MINDY2: variants seen among roughly 807,000 people sequenced by gnomAD.
MINDY2 encodes ubiquitin carboxyl-terminal hydrolase MINDY-2.
A neutral mutation model predicts 68.2 loss-of-function variants in MINDY2; 52 were observed. The ratio of observed to expected loss-of-function variants is 0.76; its 90% CI spans 0.61 to 0.96. The LOEUF is 0.96. Among genes scored for constraint, MINDY2 ranks in the 40% least tolerant of loss-of-function variants. The pLI is 0.00. For synonymous variants in MINDY2, 372 were observed against 303.0 expected, an observed-to-expected ratio of 1.23 and a Z score of -2.36; for missense variants, 881 against 773.4, an observed-to-expected ratio of 1.14 and a Z score of -1.65.
In MINDY2 at chr15:58,856,669, C is replaced by A; in HGVS notation, c.*2059C>A. On this transcript the variant is annotated 3_prime_UTR_variant, in exon 9 of 9. Transcript: ENST00000559228. ...TGGCTCAAACAGGTTGACCTCAATC[C>A]AAGTTTACTCTTGATATCACTCTGT... The A allele has an allele frequency of 6.6e-6, 1 of 152,152 alleles. No homozygotes were observed. Among genetic ancestry groups the A allele is most frequent in the Non-Finnish European group, 1.5e-5 (1 of 68,032 alleles). The allele number at this position is 152,152 out of a possible 1,614,324, so 9.4% of individuals were successfully genotyped here.
chr15:58,802,457 T>C, intron 3 of MINDY2, 80 bp downstream of exon 3: 1 of 903,278 alleles, frequency 1.1e-6, no homozygotes, highest in Non-Finnish European at 1.7e-6. Flanking sequence ...CTGGCAGCAT[T>C]TTTCTATAAA....
intron 6 of MINDY2, among the ~76,000 whole-genome samples, chr15:58,838,412 A>G (rs2032108166): frequency 6.6e-6 from 1 of 152,000 alleles, no homozygotes; most frequent in South Asian, 2.1e-4. Flanking sequence ...AAAACAAAAA[A>G]GATATACTTT....
At chr15:58,798,296 T>TC (rs1471136090) in intron 2 of MINDY2, among the ~76,000 whole-genome samples, 1 of 151,290 alleles carries the variant, frequency 6.6e-6, no homozygotes, top group East Asian at 1.9e-4. Context: ...TTTGTATTTT[T>TC]TTTTTTTTTT....
Position 58,861,539 on chromosome 15 carries a change from C to G in MINDY2, c.*6929C>G, listed in dbSNP as rs773044211. The G allele has an allele frequency of 1.3e-5, 2 of 152,160 alleles. No homozygotes were observed. Among genetic ancestry groups the G allele is most frequent in the African/African-American group, 4.8e-5 (2 of 41,444 alleles). 9.4% of individuals were successfully genotyped at this position (152,160 alleles called of 1,614,324 possible). A position where few individuals can be genotyped will look rare whatever the true frequency, so the allele number is the denominator to read the frequency against. On this transcript the variant is annotated 3_prime_UTR_variant, in exon 9 of 9. Transcript: ENST00000559228. Reference sequence around the variant, plus strand: ...TTTGCATAAAGATACCTAAAACCATCTACCCAGCTTAGGGTTGAACTGAAT... The same window carrying G: ...TTTGCATAAAGATACCTAAAACCATGTACCCAGCTTAGGGTTGAACTGAAT...
Position 58,831,839 on chromosome 15 carries a change from C to G in MINDY2, c.1291C>G (p.Leu431Val). 2 of 1,613,684 alleles carry G rather than the reference C, an allele frequency of 1.2e-6. No homozygotes were observed. Among genetic ancestry groups the G allele is most frequent in the Non-Finnish European group, 1.7e-6 (2 of 1,179,798 alleles). ...ACTGACATACCATGGATTATGTGAA[C>G]TAACTTCAACGGTTCAGGAAGGAGA... ...TQLTYHGLCE[L>V]TSTVQEGELC... The change falls in exon 6 of 9, where the codon CTA becomes GTA. Residue 431 changes from leucine to valine, a missense_variant. Leu to Val is a conservative substitution (Grantham distance 32, BLOSUM62 1). Coordinates refer to ENST00000559228, the MANE Select transcript of MINDY2 (RefSeq NM_001040450.3).
chr15:58,809,593 CT>C (rs1408635219), intron 3 of MINDY2, among the ~76,000 whole-genome samples: 1 of 152,182 alleles, frequency 6.6e-6, no homozygotes, highest in Non-Finnish European at 1.5e-5. Context: ...GAGAGGCCTT[CT>C]TCCTCTTTGA....
intron 6 of MINDY2, among the ~76,000 whole-genome samples, chr15:58,846,092 T>TAAAAAAAAAAA (rs34161206): frequency 2.2e-5 from 3 of 136,250 alleles, no homozygotes; most frequent in African/African-American, 2.7e-5. Context: ...TAATGGATGT[T>TAAAAAAAAAAA]AAAAAAAAAA....
chr15:58,803,468 T>TA (rs542134628), intron 3 of MINDY2, among the ~76,000 whole-genome samples: 9,693 of 122,846 alleles, frequency 0.079, 619 homozygotes, highest in African/African-American at 0.19. Context: ...CTCTGTCTCA[T>TA]AAAAAAAAAA....
intron 1 of MINDY2, among the ~76,000 whole-genome samples, chr15:58,778,924 G>A (rs1391421623): frequency 6.6e-6 from 1 of 150,396 alleles, no homozygotes; most frequent in Non-Finnish European, 1.5e-5. Flanking sequence ...GCAGTTTCCG[G>A]CTAATTTTTG....
In MINDY2 at chr15:58,857,973, G is replaced by T. The variant is rs1326191898; in HGVS notation, c.*3363G>T. On this transcript the variant is annotated 3_prime_UTR_variant, in exon 9 of 9. Transcript: ENST00000559228. ...CACAATGCTGTGATTTATAGTACAT[G>T]ATCAACACTTAAAAGTACTTTACAT... The T allele has an allele frequency of 6.6e-6, 1 of 152,130 alleles. No homozygotes were observed. Among genetic ancestry groups the T allele is most frequent in the Non-Finnish European group, 1.5e-5 (1 of 68,002 alleles). The allele number at this position is 152,130 out of a possible 1,614,324, so 9.4% of individuals were successfully genotyped here.
chr15:58,782,298 A>G (rs1023623501), intron 1 of MINDY2, among the ~76,000 whole-genome samples: 6 of 152,204 alleles, frequency 3.9e-5, no homozygotes, highest in African/African-American at 1.2e-4. Flanking sequence ...TATACACTGC[A>G]TATTTCAAAT....
intron 4 of MINDY2, among the ~76,000 whole-genome samples, chr15:58,817,456 T>C (rs1019430502): frequency 3.3e-5 from 5 of 152,244 alleles, no homozygotes; most frequent in African/African-American, 1.2e-4. Flanking sequence ...TTGGGCGCAG[T>C]GGCTCACACC....
chr15:58,839,603 A>G (rs2032180035), intron 6 of MINDY2, among the ~76,000 whole-genome samples: 1 of 152,088 alleles, frequency 6.6e-6, no homozygotes, highest in Non-Finnish European at 1.5e-5. Context: ...AAGTGCTGAG[A>G]TTACAGGTTT....
chr15:58,808,678 C>A (rs557758931), intron 3 of MINDY2, among the ~76,000 whole-genome samples: 1 of 152,146 alleles, frequency 6.6e-6, no homozygotes, highest in Non-Finnish European at 1.5e-5. Flanking sequence ...AATCTTGGCT[C>A]ACTGCAAGCT....
chr15:58,814,920 A>G (rs142500735), intron 4 of MINDY2, among the ~76,000 whole-genome samples: 1 of 151,764 alleles, frequency 6.6e-6, no homozygotes, highest in Non-Finnish European at 1.5e-5. Context: ...CGAGGTTACA[A>G]ATGTGAGCCA....
At chr15:58,831,191 G>T (rs2031710593) in intron 5 of MINDY2, among the ~76,000 whole-genome samples, 1 of 151,766 alleles carries the variant, frequency 6.6e-6, no homozygotes, top group Non-Finnish European at 1.5e-5. Context: ...CATAAAAATG[G>T]CATAAAAAAC....
At chr15:58,808,032 C>G (rs1432427153) in intron 3 of MINDY2, among the ~76,000 whole-genome samples, 3 of 151,954 alleles carry the variant, frequency 2.0e-5, no homozygotes, top group African/African-American at 7.3e-5. Context: ...CTCCCTCCCT[C>G]TCTCCCTCAC....
At chr15:58,796,284 C>A in intron 2 of MINDY2, 1 of 360,038 alleles carries the variant, frequency 2.8e-6, no homozygotes, top group Non-Finnish European at 5.6e-6. Flanking sequence ...TAGTTGGAAA[C>A]TATCTTAAGC....
chr15:58,772,049 CAAGGAG>C lies in MINDY2; in HGVS notation c.655_660del (p.Lys219_Glu220del). ...TGTTGCCCGGGGCTGTTCCTCTGTG[CAAGGAG>C]GAGGAGGGGGAGGAGACCGCTCAGG... On this transcript the variant is annotated inframe_deletion, in exon 1 of 9. Transcript: ENST00000559228. The C allele has an allele frequency of 6.2e-7, 1 of 1,608,652 alleles. No homozygotes were observed. The highest frequency in any genetic ancestry group is 8.5e-7 in the Non-Finnish European group (1 of 1,177,228).
Sources: gnomAD v4.1 joint callset for allele counts (sites outside exome capture counted in the v4.1 genomes callset) on GRCh38, gnomAD v4.1.1 for gene constraint, MANE v1.5 for transcripts, NCBI Gene and HGNC (gene_info 2026-07-23, HGNC 2026-07-21) for gene names.